The following MFAP3L variants were observed in gnomAD, a reference collection of about 807,000 sequenced individuals.
The protein encoded by MFAP3L is microfibrillar-associated protein 3-like.
In MFAP3L, 5 loss-of-function variants were observed where a neutral mutation model predicts 20.0. The observed-to-expected ratio is 0.25, with a 90% CI of 0.13 to 0.53. The LOEUF is 0.53. Ranked by LOEUF, MFAP3L falls within the 20% of genes least tolerant of loss-of-function variation. The pLI is 0.96. For missense variants in MFAP3L, 409 were observed against 527.5 expected, an observed-to-expected ratio of 0.78 and a Z score of 2.20; for synonymous variants, 219 against 213.0, an observed-to-expected ratio of 1.03 and a Z score of -0.25.
chr4:170,026,879 A>G (rs1389746144), upstream of MFAP3L: 1 of 152,276 alleles, frequency 6.6e-6, no homozygotes, highest in Non-Finnish European at 1.5e-5. Context: ...TTGCAATCAA[A>G]TGCAATCACG....
chr4:169,996,450 AACAGACTCCGAG>A (rs1738173630), intron 2 of MFAP3L, among the ~76,000 whole-genome samples: 1 of 152,096 alleles, frequency 6.6e-6, no homozygotes, highest in Admixed American at 6.5e-5. Flanking sequence ...CCAAGAGAAA[AACAGACTCCGAG>A]ACACAACCAC....
At chr4:170,013,602 T>A (rs1382203789) in intron 1 of MFAP3L, among the ~76,000 whole-genome samples, 2 of 152,080 alleles carry the variant, frequency 1.3e-5, no homozygotes, top group Admixed American at 6.6e-5. Context: ...AGAAAAAAAA[T>A]AAAAAGACCA....
In MFAP3L at chr4:169,990,223, T is replaced by A. The variant is rs1315506733; in HGVS notation, c.*1155A>T. On this transcript the variant is annotated 3_prime_UTR_variant, in exon 3 of 3. Coordinates refer to ENST00000361618, the MANE Select transcript of MFAP3L (RefSeq NM_021647.8). ...CGCACCTCACATATAACCACTTTCT[T>A]GCAGGACTGCATAATTATTCAACAG... The A allele has an allele frequency of 6.6e-6, 1 of 152,262 alleles. No homozygotes were observed. Among genetic ancestry groups the A allele is most frequent in the Non-Finnish European group, 1.5e-5 (1 of 68,046 alleles). 9.4% of individuals were successfully genotyped at this position (152,262 alleles called of 1,614,324 possible). A position where few individuals can be genotyped will look rare whatever the true frequency, so the allele number is the denominator to read the frequency against.
In MFAP3L at chr4:169,989,511, A is replaced by G. The variant is rs1737508230; in HGVS notation, c.*1867T>C. 6.6e-6 allele frequency: 1 copy of G among 152,234 alleles called. No homozygotes were observed. The highest frequency in any genetic ancestry group is 6.5e-5 in the Admixed American group (1 of 15,278). 9.4% of individuals were successfully genotyped at this position (152,234 alleles called of 1,614,324 possible). A position where few individuals can be genotyped will look rare whatever the true frequency, so the allele number is the denominator to read the frequency against. On this transcript the variant is annotated 3_prime_UTR_variant, in exon 3 of 3. Coordinates refer to ENST00000361618, the MANE Select transcript of MFAP3L (RefSeq NM_021647.8). ...TGCAACGGGGGTTGGTTATCCTGGA[A>G]GACTGCAAACTTTCTGTGAACTATA...
intron 1 of MFAP3L, among the ~76,000 whole-genome samples, chr4:170,014,011 C>G (rs1010873791): frequency 6.6e-6 from 1 of 152,182 alleles, no homozygotes; most frequent in Non-Finnish European, 1.5e-5. Context: ...ATCCCTAAAA[C>G]GGATCACAAT....
At chr4:169,994,458 T>A (rs1031333464) in intron 2 of MFAP3L, 9 of 982,934 alleles carry the variant, frequency 9.2e-6, no homozygotes, top group Non-Finnish European at 1.1e-5. Context: ...GATCATTATG[T>A]TCTAATTGTT....
intron 1 of MFAP3L, among the ~76,000 whole-genome samples, chr4:170,010,853 T>C (rs1739335957): frequency 6.6e-6 from 1 of 152,144 alleles, no homozygotes; most frequent in Admixed American, 6.5e-5. Flanking sequence ...GCATCAACTA[T>C]ACTGAATTTT....
rs935356662 is a variant in MFAP3L at position 169,990,326 on chromosome 4, G to C, written c.*1052C>G. 6.6e-6 allele frequency: 1 copy of C among 152,228 alleles called. No homozygotes were observed. Among genetic ancestry groups the C allele is most frequent in the Non-Finnish European group, 1.5e-5 (1 of 68,052 alleles). The allele number at this position is 152,228 out of a possible 1,614,324, so 9.4% of individuals were successfully genotyped here. A position where few individuals can be genotyped will look rare whatever the true frequency, so the allele number is the denominator to read the frequency against. On this transcript the variant is annotated 3_prime_UTR_variant, in exon 3 of 3. Coordinates refer to ENST00000361618, the MANE Select transcript of MFAP3L (RefSeq NM_021647.8). The stretch of plus-strand genomic sequence containing the variant: ...CGCTTTCCTCTTTAAGGACAACCAA[G>C]TCAGCTATGCAGTTCATAAAAGTGG...
chr4:169,998,450 G>A (rs569642017), intron 2 of MFAP3L, among the ~76,000 whole-genome samples: 1 of 152,250 alleles, frequency 6.6e-6, no homozygotes, highest in South Asian at 2.1e-4. Flanking sequence ...AGAATCACAG[G>A]GAAAGTGAGA....
intron 2 of MFAP3L, among the ~76,000 whole-genome samples, chr4:170,004,568 C>T (rs1296564859): frequency 1.3e-5 from 2 of 152,150 alleles, no homozygotes; most frequent in African/African-American, 2.4e-5. Flanking sequence ...CAGAAGTAGG[C>T]AACTGCAAGA....
intron 1 of MFAP3L, among the ~76,000 whole-genome samples, chr4:170,012,835 G>T (rs1739467417): frequency 6.6e-6 from 1 of 152,186 alleles, no homozygotes; most frequent in Non-Finnish European, 1.5e-5. Context: ...ACCCAGACTT[G>T]CTGGATTGCT....
In MFAP3L at chr4:169,991,179, A is replaced by C. The variant is rs1480193462; in HGVS notation, c.*199T>G. The C allele has an allele frequency of 3.5e-5, 21 of 603,550 alleles. No homozygotes were observed. In the Admixed American group the frequency reaches 6.6e-4, roughly 19 times the overall value. The allele number at this position is 603,550 out of a possible 1,614,324, so 37.4% of individuals were successfully genotyped here. A position where few individuals can be genotyped will look rare whatever the true frequency, so the allele number is the denominator to read the frequency against. Reference sequence around the variant, plus strand: ...TGTCTGGTATCAATTCTGCACCCTGATGTTTCTCGCACCCTTCTCTACTGG... The same window carrying C: ...TGTCTGGTATCAATTCTGCACCCTGCTGTTTCTCGCACCCTTCTCTACTGG... On this transcript the variant is annotated 3_prime_UTR_variant, in exon 3 of 3. Coordinates refer to ENST00000361618, the MANE Select transcript of MFAP3L (RefSeq NM_021647.8). This position sits in a 1 kb window ranked among gnomAD's most constrained non-coding sequence, Gnocchi z 4.9.
At position 170,012,961 on chromosome 4, in the gene MFAP3L, T is replaced by A. The variant is rs568580544; in HGVS notation, c.-133-6951A>T. ...TACAGAATTTTATTTTATGCTGTTA[T>A]TTTTTTTTTGATACACAGAAGGCAC... On this transcript the variant is annotated intron_variant, in intron 1 of 2. Coordinates refer to ENST00000361618, the MANE Select transcript of MFAP3L (RefSeq NM_021647.8). Among the ~76,000 whole-genome samples, 523 of 149,614 alleles carry A rather than the reference T, an allele frequency of 3.5e-3. 5 individuals carry two copies. The highest frequency in any genetic ancestry group is 0.012 in the African/African-American group (509 of 40,988).
intron 1 of MFAP3L, among the ~76,000 whole-genome samples, chr4:170,023,529 C>A (rs1196499133): frequency 6.6e-6 from 1 of 152,166 alleles, no homozygotes; most frequent in African/African-American, 2.4e-5. Context: ...TTATACCAAA[C>A]TTAAAATTAA....
At chr4:169,994,811 CCA>C (rs781319705) in intron 2 of MFAP3L, among the ~76,000 whole-genome samples, 2 of 152,194 alleles carry the variant, frequency 1.3e-5, no homozygotes, top group Non-Finnish European at 1.5e-5. Flanking sequence ...CACATTGGGT[CCA>C]CAGACTAATG....
upstream of MFAP3L, chr4:170,026,822 C>G (rs1290930290): frequency 3.9e-5 from 6 of 152,224 alleles, no homozygotes; most frequent in African/African-American, 1.4e-4. Context: ...CATCCTGGGG[C>G]GCTAAATGGG....
chr4:169,995,611 G>A (rs1364840533), intron 2 of MFAP3L, among the ~76,000 whole-genome samples: 2 of 152,196 alleles, frequency 1.3e-5, no homozygotes, highest in Admixed American at 6.5e-5. Flanking sequence ...CATTCGCATC[G>A]GTCTATAAAT....
chr4:170,027,156 G>A (rs1316181471), upstream of MFAP3L: 1 of 150,364 alleles, frequency 6.7e-6, no homozygotes, highest in Non-Finnish European at 1.5e-5. Context: ...AAATTATTAA[G>A]TACCTACAGA....
intron 1 of MFAP3L, among the ~76,000 whole-genome samples, chr4:170,022,825 C>T (rs1740119662): frequency 6.6e-6 from 1 of 152,194 alleles, no homozygotes; most frequent in South Asian, 2.1e-4. Flanking sequence ...GAAACAGATT[C>T]TCCCCTAGGG....
Sources: allele counts gnomAD v4.1 joint callset (sites outside exome capture counted in the v4.1 genomes callset), GRCh38; gene constraint gnomAD v4.1.1; non-coding constraint Gnocchi (gnomAD v3.1); transcripts MANE v1.5; gene names NCBI Gene and HGNC (gene_info 2026-07-23, HGNC 2026-07-21).